Variants in KHDRBS1 observed in about 807,000 individuals in gnomAD.
KHDRBS1 encodes KH domain-containing, RNA-binding, signal transduction-associated protein 1.
A neutral mutation model predicts 48.4 loss-of-function variants in KHDRBS1; 7 were observed. The observed-to-expected ratio is 0.14, with a 90% confidence interval of 0.08 to 0.27. The LOEUF is 0.27. Ranked by LOEUF, KHDRBS1 falls within the 10% of genes least tolerant of loss-of-function variation. The pLI is 1.00. For missense variants in KHDRBS1, 458 were observed against 601.2 expected (o/e 0.76, Z 2.49); for synonymous variants, 241 against 235.8 (o/e 1.02, Z -0.20).
chr1:32,037,393 G>A (rs1639203924), intron 5 of KHDRBS1, among the ~76,000 whole-genome samples: 1 of 151,226 alleles, frequency 6.6e-6, no homozygotes, highest in South Asian at 2.1e-4. Flanking sequence ...GCAGTGAGCC[G>A]AGATCATGCC....
downstream of KHDRBS1, among the ~76,000 whole-genome samples, chr1:32,048,130 A>T (rs1036169721): frequency 6.6e-6 from 1 of 152,204 alleles, no homozygotes; most frequent in East Asian, 1.9e-4. Flanking sequence ...TCAGTAATTT[A>T]AACTGAATCT....
chr1:32,039,383 T>G, intron 7 of KHDRBS1, 132 bp from the exon 8 acceptor site: 2 of 667,256 alleles, frequency 3.0e-6, no homozygotes, highest in Non-Finnish European at 5.5e-6. Context: ...CTTTACGGTT[T>G]AGGGATGGGG....
intron 1 of KHDRBS1, among the ~76,000 whole-genome samples, chr1:32,029,580 C>T (rs1010710652): frequency 2.0e-5 from 3 of 152,108 alleles, no homozygotes; most frequent in Admixed American, 6.6e-5. Flanking sequence ...TTGCTTGAAC[C>T]CAGGAGGCAG....
intron 1 of KHDRBS1, among the ~76,000 whole-genome samples, chr1:32,019,972 G>A (rs112908372): frequency 0.034 from 5,148 of 151,946 alleles, 285 homozygotes; most frequent in African/African-American, 0.12. Flanking sequence ...GGGTTTCACC[G>A]TGTTGGCCAG....
intron 1 of KHDRBS1, among the ~76,000 whole-genome samples, chr1:32,024,984 C>T (rs1418764478): frequency 3.3e-5 from 5 of 151,210 alleles, no homozygotes; most frequent in Non-Finnish European, 7.4e-5. Context: ...AAAAAAAAGG[C>T]GGGGGGAGCA....
chr1:32,035,712 G>A (rs940259474), intron 4 of KHDRBS1, among the ~76,000 whole-genome samples: 3 of 152,134 alleles, frequency 2.0e-5, no homozygotes, highest in Non-Finnish European at 4.4e-5. Flanking sequence ...TTTCTTGTTC[G>A]TCCCAAACAT....
chr1:32,041,667 G>A (rs1013132043), intron 8 of KHDRBS1, among the ~76,000 whole-genome samples: 5 of 131,658 alleles, frequency 3.8e-5, no homozygotes, highest in Admixed American at 2.0e-4. Context: ...TCAGCTCACT[G>A]CAACCTCTGC....
At chr1:32,016,186 G>GAAAAAAAA (rs576956025) in intron 1 of KHDRBS1, among the ~76,000 whole-genome samples, 5 of 84,822 alleles carry the variant, frequency 5.9e-5, no homozygotes, top group African/African-American at 2.0e-4. Context: ...CTCAAAAAAG[G>GAAAAAAAA]AAAAAAAAAA....
intron 1 of KHDRBS1, among the ~76,000 whole-genome samples, chr1:32,020,950 A>G (rs965732121): frequency 1.3e-5 from 2 of 150,622 alleles, no homozygotes; most frequent in African/African-American, 5.0e-5. Context: ...AAATCCTAAT[A>G]AAGTCAATTG....
chr1:32,016,977 G>A (rs942238316), intron 1 of KHDRBS1, among the ~76,000 whole-genome samples: 1 of 152,162 alleles, frequency 6.6e-6, no homozygotes, highest in East Asian at 1.9e-4. Flanking sequence ...AATGATGACA[G>A]CCGTGCACGG....
At chr1:32,019,112 C>CA (rs1299435490) in intron 1 of KHDRBS1, among the ~76,000 whole-genome samples, 1 of 151,288 alleles carries the variant, frequency 6.6e-6, no homozygotes, top group African/African-American at 2.5e-5. Context: ...AACAAACAAA[C>CA]AAACAAAAAA....
chr1:32,034,840 G>A (rs1639145898), intron 4 of KHDRBS1, among the ~76,000 whole-genome samples: 1 of 151,954 alleles, frequency 6.6e-6, no homozygotes, highest in Non-Finnish European at 1.5e-5. Flanking sequence ...AATTAGCTGG[G>A]CGTGGTGGCA....
At position 32,030,036 on chromosome 1, in the gene KHDRBS1, G is replaced by C. The variant is rs943732626; in HGVS notation, c.383-262G>C. Among the ~76,000 whole-genome samples the C allele has an allele frequency of 1.4e-4, 21 of 151,986 alleles. 1 individual carries two copies. Among genetic ancestry groups the C allele is most frequent in the Admixed American group, 1.3e-3 (20 of 15,232 alleles). On this transcript the variant is annotated intron_variant, in intron 1 of 8. Transcript: ENST00000327300. Reference sequence around the variant, plus strand: ...CTCACCCAATTAATTTTGTTAAATTGATTTAAGAAACATTTAAATGTCTCT... The same window carrying C: ...CTCACCCAATTAATTTTGTTAAATTCATTTAAGAAACATTTAAATGTCTCT...
chr1:32,059,935 C>T (rs963960755), intron 10 of KHDRBS1, among the ~76,000 whole-genome samples: 9 of 152,102 alleles, frequency 5.9e-5, no homozygotes, highest in African/African-American at 1.7e-4. Flanking sequence ...AGATATTGAG[C>T]GTGAGACTGC....
Position 32,026,834 on chromosome 1 carries a change from G to A in KHDRBS1, c.383-3464G>A, listed in dbSNP as rs542239780. Among the ~76,000 whole-genome samples the A allele has an allele frequency of 1.1e-4, 16 of 152,194 alleles. 1 individual carries two copies. In the East Asian group the frequency reaches 3.1e-3, roughly 29 times the overall value. On this transcript the variant is annotated intron_variant, in intron 1 of 8. Coordinates refer to ENST00000327300, the MANE Select transcript of KHDRBS1 (RefSeq NM_006559.3). Reference sequence around the variant, plus strand: ...TGTTGTGATGGAGTCTTGCCCTATCGCCCAAGCTGGAGTGCAGTGGCGCAA... The same window carrying A: ...TGTTGTGATGGAGTCTTGCCCTATCACCCAAGCTGGAGTGCAGTGGCGCAA...
intron 6 of KHDRBS1, 68 bp from the exon 7 acceptor site, chr1:32,038,484 T>C: frequency 2.0e-6 from 3 of 1,476,298 alleles, no homozygotes; most frequent in Non-Finnish European, 2.8e-6. Context: ...TCCCATGGGA[T>C]GTAATTACCT....
chr1:32,023,146 T>G (rs1638895192), intron 1 of KHDRBS1, among the ~76,000 whole-genome samples: 1 of 152,174 alleles, frequency 6.6e-6, no homozygotes, highest in African/African-American at 2.4e-5. Context: ...ACCCTTGTCT[T>G]TCCTCCAAGA....
intron 1 of KHDRBS1, among the ~76,000 whole-genome samples, chr1:32,025,226 A>G (rs1198614509): frequency 2.1e-5 from 3 of 142,712 alleles, no homozygotes; most frequent in African/African-American, 7.9e-5. Context: ...TTATTGTGCC[A>G]CTCATTCCAG....
chr1:32,014,017 G>A lies in KHDRBS1; in HGVS notation c.22G>A (p.Ala8Thr). 2.0e-6 allele frequency: 3 copies of A among 1,525,654 alleles called. No homozygotes were observed. The highest frequency in any genetic ancestry group is 1.7e-6 in the Non-Finnish European group (2 of 1,148,100). The allele number at this position is 1,525,654 out of a possible 1,614,324, so 94.5% of individuals were successfully genotyped here. Residue 8 changes from alanine (A) to threonine (T), a missense_variant, in exon 1 of 9, where the codon GCC becomes ACC. Transcript: ENST00000327300. MQRRDDP[A>T]ARMSRSSGRS... ...CCAGATGCAGCGCCGGGACGACCCCGCCGCGCGCATGAGCCGGTCTTCGGG... is the reference window on the plus strand; with the variant it reads ...CCAGATGCAGCGCCGGGACGACCCCACCGCGCGCATGAGCCGGTCTTCGGG...
Sources: gnomAD v4.1 joint callset for allele counts (sites outside exome capture counted in the v4.1 genomes callset) on GRCh38, gnomAD v4.1.1 for gene constraint, MANE v1.5 for transcripts, NCBI Gene and HGNC (gene_info 2026-07-23, HGNC 2026-07-21) for gene names.